PPM1E: variants seen among roughly 807,000 people sequenced by gnomAD.
PPM1E encodes the protein protein phosphatase 1E.
In PPM1E, 20 loss-of-function variants were observed where a neutral mutation model predicts 65.9. The ratio of observed to expected loss-of-function variants is 0.30; its 90% confidence interval spans 0.21 to 0.44. PPM1E has a LOEUF of 0.44. PPM1E is among the 20% of genes least tolerant of loss of function. The pLI is 1.00. For synonymous variants in PPM1E, 352 were observed against 374.9 expected (o/e 0.94, Z 0.70); for missense variants, 713 against 953.1 (o/e 0.75, Z 3.32).
At chr17:58,931,065 T>TGAAAAAAAAAAAA (rs2051888312) in intron 1 of PPM1E, among the ~76,000 whole-genome samples, 1 of 60,592 alleles carries the variant, frequency 1.7e-5, no homozygotes, top group Non-Finnish European at 3.4e-5. Flanking sequence ...AATACAAAAA[T>TGAAAAAAAAAAAA]TAAAAAAAAA....
At chr17:58,887,162 C>CTTTTTTTTT (rs71143300) in intron 1 of PPM1E, among the ~76,000 whole-genome samples, 6 of 111,708 alleles carry the variant, frequency 5.4e-5, no homozygotes, top group African/African-American at 1.8e-4. Context: ...AGGCCTTCTT[C>CTTTTTTTTT]TTTTTTTTTT....
chr17:58,769,490 G>C (rs1012489732), intron 1 of PPM1E, among the ~76,000 whole-genome samples: 2 of 151,940 alleles, frequency 1.3e-5, no homozygotes, highest in African/African-American at 4.8e-5. Flanking sequence ...CCAGCTACTC[G>C]GGAGGCTGAG....
chr17:58,860,847 G>A (rs997662124), intron 1 of PPM1E, among the ~76,000 whole-genome samples: 1 of 152,048 alleles, frequency 6.6e-6, no homozygotes, highest in African/African-American at 2.4e-5. Context: ...TGAGGCAGGG[G>A]AATTGCTTGA....
At chr17:58,865,743 A>G (rs769804438) in intron 1 of PPM1E, among the ~76,000 whole-genome samples, 2 of 152,222 alleles carry the variant, frequency 1.3e-5, no homozygotes, top group African/African-American at 2.4e-5. Context: ...TCAGTTTTCA[A>G]ATAGTTTATC....
chr17:58,856,734 C>A (rs2050886680), intron 1 of PPM1E, among the ~76,000 whole-genome samples: 1 of 152,072 alleles, frequency 6.6e-6, no homozygotes. Context: ...AAAAGATATC[C>A]ATTTATAAGC....
intron 1 of PPM1E, among the ~76,000 whole-genome samples, chr17:58,816,496 T>G (rs920177266): frequency 6.6e-6 from 1 of 151,444 alleles, no homozygotes; most frequent in Non-Finnish European, 1.5e-5. Context: ...TCTCCAAAAC[T>G]TTTTCATCAG....
At chr17:58,810,998 C>T (rs2050361374) in intron 1 of PPM1E, among the ~76,000 whole-genome samples, 1 of 151,996 alleles carries the variant, frequency 6.6e-6, no homozygotes, top group Non-Finnish European at 1.5e-5. Context: ...GGTGGGATTA[C>T]AGGCACGCGC....
chr17:58,933,456 TA>T (rs1327206335), intron 1 of PPM1E, among the ~76,000 whole-genome samples: 2 of 152,194 alleles, frequency 1.3e-5, no homozygotes, highest in Non-Finnish European at 2.9e-5. Flanking sequence ...ATCTGATATT[TA>T]ATATTGATAA....
intron 1 of PPM1E, among the ~76,000 whole-genome samples, chr17:58,896,133 AAAAG>A (rs1312062148): frequency 6.6e-6 from 1 of 151,772 alleles, no homozygotes; most frequent in African/African-American, 2.4e-5. Context: ...AAGAAAAAGA[AAAAG>A]AAAAAGCGAA....
At chr17:58,941,132 AG>A (rs1270352508) in intron 1 of PPM1E, among the ~76,000 whole-genome samples, 4 of 152,236 alleles carry the variant, frequency 2.6e-5, no homozygotes, top group African/African-American at 9.6e-5. Flanking sequence ...CATGACAGAA[AG>A]GTAAAGATAA....
At chr17:58,843,427 G>A (rs1466595065) in intron 1 of PPM1E, among the ~76,000 whole-genome samples, 1 of 151,994 alleles carries the variant, frequency 6.6e-6, no homozygotes, top group Non-Finnish European at 1.5e-5. Context: ...GGCTGAGGCA[G>A]GAGAATTGCT....
At chr17:58,882,776 A>G (rs1298016858) in intron 1 of PPM1E, among the ~76,000 whole-genome samples, 5 of 151,974 alleles carry the variant, frequency 3.3e-5, no homozygotes, top group Admixed American at 2.0e-4. Context: ...ATAATGTTCC[A>G]CAGAGGTTTA....
chr17:58,911,063 C>A (rs34963822), intron 1 of PPM1E, among the ~76,000 whole-genome samples: 28,062 of 152,044 alleles, frequency 0.18, 2,768 homozygotes, highest in Non-Finnish European at 0.21. Context: ...CAGACTTCTA[C>A]ACCTAGTCTC....
chr17:58,854,908 CTGACAGGT>C (rs2050866155), intron 1 of PPM1E, among the ~76,000 whole-genome samples: 1 of 152,142 alleles, frequency 6.6e-6, no homozygotes, highest in Non-Finnish European at 1.5e-5. Context: ...ATTGGAGATA[CTGACAGGT>C]GAAAATAGAG....
chr17:58,869,308 T>G (rs1000797215), intron 1 of PPM1E, among the ~76,000 whole-genome samples: 1 of 152,220 alleles, frequency 6.6e-6, no homozygotes, highest in Admixed American at 6.5e-5. Context: ...AGTTTGGATA[T>G]TTGTCCTGTC....
intron 1 of PPM1E, among the ~76,000 whole-genome samples, chr17:58,848,954 T>C (rs1229921780): frequency 1.3e-5 from 2 of 152,206 alleles, no homozygotes; most frequent in Admixed American, 6.5e-5. Flanking sequence ...TTTCAGAACC[T>C]GTTATTGGTC....
intron 1 of PPM1E, among the ~76,000 whole-genome samples, chr17:58,953,046 G>A (rs2052261805): frequency 6.6e-6 from 1 of 152,090 alleles, no homozygotes; most frequent in African/African-American, 2.4e-5. Flanking sequence ...AGCTAAAAAG[G>A]CCATTTATCT....
At chr17:58,884,488 A>C (rs2051242735) in intron 1 of PPM1E, among the ~76,000 whole-genome samples, 1 of 151,714 alleles carries the variant, frequency 6.6e-6, no homozygotes, top group Admixed American at 6.6e-5. Context: ...TTTCCTCCTT[A>C]TCCTTTGGGA....
At chr17:58,926,667 C>T (rs1181826680) in intron 1 of PPM1E, among the ~76,000 whole-genome samples, 1 of 151,988 alleles carries the variant, frequency 6.6e-6, no homozygotes, top group African/African-American at 2.4e-5. Context: ...TGAAGAGTAG[C>T]TTGAAATTTT....
Sources: gnomAD v4.1 joint callset for allele counts (sites outside exome capture counted in the v4.1 genomes callset) on GRCh38, gnomAD v4.1.1 for gene constraint, MANE v1.5 for transcripts, NCBI Gene and HGNC (gene_info 2026-07-23, HGNC 2026-07-21) for gene names.